The following HDAC5 variants were observed in gnomAD, a reference collection of about 807,000 sequenced individuals.
HDAC5 encodes the protein histone deacetylase 5, also known as antigen NY-CO-9.
In HDAC5, 25 loss-of-function variants were observed where a neutral mutation model predicts 133.3. The ratio of observed to expected loss-of-function variants is 0.19; its 90% confidence interval spans 0.14 to 0.26. The LOEUF (loss-of-function observed/expected upper bound fraction) is 0.26, where lower values mean the gene tolerates loss of function less well. Ranked by LOEUF, HDAC5 falls within the 10% of genes least tolerant of loss-of-function variation. The probability of loss-of-function intolerance (pLI) is 1.00; values close to 1 mark genes in which losing one functional copy is unlikely to be tolerated. For synonymous variants in HDAC5, 589 were observed against 610.8 expected (o/e 0.96, Z 0.53); for missense variants, 1,041 against 1,460.5 (o/e 0.71, Z 4.68).
At chr17:44,087,202 C>G (rs1036264516) in intron 13 of HDAC5, among the ~76,000 whole-genome samples, 69 of 151,190 alleles carry the variant, frequency 4.6e-4, no homozygotes, top group Admixed American at 1.6e-3. Flanking sequence ...AACTGGCAGC[C>G]TAGGACAGAC....
chr17:44,089,192 T>TG (rs749857699), intron 11 of HDAC5, among the ~76,000 whole-genome samples: 1 of 152,206 alleles, frequency 6.6e-6, no homozygotes, highest in Non-Finnish European at 1.5e-5. Flanking sequence ...TCAAAGAGTA[T>TG]GAAACAAAAA....
intron 1 of HDAC5, chr17:44,119,997 C>T (rs1194877130): frequency 6.6e-6 from 1 of 152,432 alleles, no homozygotes; most frequent in East Asian, 1.9e-4. Context: ...ACCCCTACCC[C>T]ACTCCGGGAT....
rs1036335137 is a variant in HDAC5 at position 44,084,618 on chromosome 17, G to A, written c.2242C>T (p.His748Tyr). ...GGACTGGTCCCATAGAGCAGGGTGT[G>A]GTATTCAGAGTGCACTGTCTGGATC... ...DEIQTVHSEY[H>Y]TLLYGTSPLN... The change falls in exon 16 of 27, where the codon CAC becomes TAC. Residue 748 changes from histidine (H) to tyrosine (Y), a missense_variant. Around this residue, in one of 9 missense-constraint regions of HDAC5, gnomAD observed 42 missense variants for 101.7 expected, o/e 0.41. Coordinates refer to ENST00000682912, the MANE Select transcript of HDAC5 (RefSeq NM_005474.5). 6.8e-6 allele frequency: 11 copies of A among 1,613,974 alleles called. No individual in the cohort carries two copies. The highest frequency in any genetic ancestry group is 5.3e-5 in the African/African-American group (4 of 74,906).
chr17:44,090,810 CT>C (rs2050907660), intron 11 of HDAC5, among the ~76,000 whole-genome samples: 1 of 152,102 alleles, frequency 6.6e-6, no homozygotes, highest in African/African-American at 2.4e-5. Flanking sequence ...CTGCCTCAGC[CT>C]CCTGAGTAGC....
chr17:44,094,722 GTGTGTATATATA>G (rs1198270559), intron 3 of HDAC5, among the ~76,000 whole-genome samples: 1 of 146,100 alleles, frequency 6.8e-6, no homozygotes, highest in Non-Finnish European at 1.5e-5. Context: ...CTGTGTGTGT[GTGTGTATATATA>G]TGTGTGTACG....
intron 21 of HDAC5, 111 bp downstream of exon 21, chr17:44,080,652 G>A: frequency 6.6e-7 from 1 of 1,525,764 alleles, no homozygotes; most frequent in Non-Finnish European, 9.0e-7. Context: ...TAGGAGCCCA[G>A]ACTCCCCAGG....
At chr17:44,102,063 G>T (rs1394283610) in intron 3 of HDAC5, among the ~76,000 whole-genome samples, 2 of 152,198 alleles carry the variant, frequency 1.3e-5, no homozygotes, top group Non-Finnish European at 2.9e-5. Flanking sequence ...GGCTAGAATG[G>T]TTCCTGTGCT....
At chr17:44,096,516 C>T (rs1404357116) in intron 3 of HDAC5, among the ~76,000 whole-genome samples, 1 of 150,882 alleles carries the variant, frequency 6.6e-6, no homozygotes, top group Non-Finnish European at 1.5e-5. Context: ...TCTTGTCATC[C>T]AGGCTGGAGT....
intron 3 of HDAC5, among the ~76,000 whole-genome samples, chr17:44,100,029 G>T (rs73314416): frequency 0.011 from 1,713 of 152,250 alleles, 33 homozygotes; most frequent in African/African-American, 0.039. Flanking sequence ...TGCTCGTGGG[G>T]CAACCCCTGA....
chr17:44,080,719 C>T, intron 21 of HDAC5, 44 bp downstream of exon 21: 2 of 1,613,668 alleles, frequency 1.2e-6, no homozygotes, highest in South Asian at 1.1e-5. Context: ...GTGCCACCTC[C>T]CAGAGGGGCC....
chr17:44,089,963 C>T (rs957553925), intron 11 of HDAC5, among the ~76,000 whole-genome samples: 1 of 141,348 alleles, frequency 7.1e-6, no homozygotes, highest in African/African-American at 2.6e-5. Context: ...ATGAGCATGG[C>T]GGCTCACACC....
rs1331096689 is a variant in HDAC5 at position 44,109,120 on chromosome 17, C to T, written c.94+1609G>A. Among the ~76,000 whole-genome samples the T allele has an allele frequency of 1.3e-5, 2 of 152,216 alleles. 1 individual carries two copies. Among genetic ancestry groups the T allele is most frequent in the African/African-American group, 4.8e-5 (2 of 41,450 alleles). ...AACAAGCTGAGGAGGAAACTTCCGGCCAACTGCTGGCTGCTGCTGGTAGCA... is the reference window on the plus strand; with the variant it reads ...AACAAGCTGAGGAGGAAACTTCCGGTCAACTGCTGGCTGCTGCTGGTAGCA... On this transcript the variant is annotated intron_variant, in intron 3 of 26. Coordinates refer to ENST00000682912, the MANE Select transcript of HDAC5 (RefSeq NM_005474.5).
chr17:44,100,193 A>C (rs1283822089), intron 3 of HDAC5, among the ~76,000 whole-genome samples: 1 of 152,192 alleles, frequency 6.6e-6, no homozygotes, highest in Non-Finnish European at 1.5e-5. Flanking sequence ...TAGCTTCCCA[A>C]GAGCAAGGCC....
chr17:44,104,266 T>C (rs1027841474), intron 3 of HDAC5, among the ~76,000 whole-genome samples: 12 of 151,760 alleles, frequency 7.9e-5, no homozygotes, highest in Non-Finnish European at 1.3e-4. Context: ...ATTGCACTAC[T>C]GCACTCCAGC....
Position 44,078,203 on chromosome 17 carries a change from A to G in HDAC5, c.*173T>C. The G allele has an allele frequency of 1.7e-6, 1 of 582,276 alleles. No individual in the cohort carries two copies. The highest frequency in any genetic ancestry group is 2.9e-6 in the Non-Finnish European group (1 of 350,440). The allele number at this position is 582,276 out of a possible 1,614,324, so 36.1% of individuals were successfully genotyped here. On this transcript the variant is annotated 3_prime_UTR_variant, in exon 27 of 27. Coordinates refer to ENST00000682912, the MANE Select transcript of HDAC5 (RefSeq NM_005474.5). ...CCCCCTGCAGAGGGAGCAGGCTTCT[A>G]GAGCTGAGGTGGAAGCCACAGGGCT...
In HDAC5 at chr17:44,080,892, G is replaced by A. The variant is rs1430221280; in HGVS notation, c.2608-10C>T. 1.6e-5 allele frequency: 26 copies of A among 1,614,056 alleles called. No individual in the cohort carries two copies. The highest frequency in any genetic ancestry group is 2.2e-5 in the Non-Finnish European group (26 of 1,180,020). On this transcript the variant is annotated splice_polypyrimidine_tract_variant and intron_variant, in intron 20 of 26. Coordinates refer to ENST00000682912, the MANE Select transcript of HDAC5 (RefSeq NM_005474.5). ...TGCCATGGTGAATGTCCTATGAGGG[G>A]AGGTAGAAGCATCGGGAAAATGGCC...
At chr17:44,087,800 G>C in intron 12 of HDAC5, 104 bp from the exon 13 acceptor site, 1 of 1,350,498 alleles carries the variant, frequency 7.4e-7, no homozygotes, top group Non-Finnish European at 9.7e-7. Context: ...CTTCCAGGTA[G>C]AGCTTCTATG....
At chr17:44,122,183 T>A (rs1224585219) in intron 1 of HDAC5, among the ~76,000 whole-genome samples, 1 of 151,834 alleles carries the variant, frequency 6.6e-6, no homozygotes, top group Non-Finnish European at 1.5e-5. Flanking sequence ...CAGCCCAGCA[T>A]CTCAACAGCC....
chr17:44,081,280 A>C, intron 20 of HDAC5, among the ~76,000 whole-genome samples: 1 of 150,202 alleles, frequency 6.7e-6, no homozygotes, highest in East Asian at 2.0e-4. Flanking sequence ...ACCAAGTTTC[A>C]CTCTTGTTGC....
Sources: allele counts gnomAD v4.1 joint callset (sites outside exome capture counted in the v4.1 genomes callset), GRCh38; gene constraint gnomAD v4.1.1; regional missense constraint gnomAD v4.1.1; transcripts MANE v1.5; gene names NCBI Gene and HGNC (gene_info 2026-07-23, HGNC 2026-07-21).